Variants in NCR3LG1 observed in about 807,000 individuals in gnomAD.
The protein encoded by NCR3LG1 is natural killer cell cytotoxicity receptor 3 ligand 1.
Under a neutral mutation model 34.8 loss-of-function variants are expected in NCR3LG1, and 35 were observed. The ratio of observed to expected loss-of-function variants is 1.01; its 90% confidence interval spans 0.77 to 1.33. The LOEUF (loss-of-function observed/expected upper bound fraction) is 1.33. Ranked by LOEUF, NCR3LG1 falls within the 40% of genes most tolerant of loss-of-function variation. NCR3LG1 has a pLI of 0.00. For missense variants in NCR3LG1, 452 were observed against 423.3 expected (o/e 1.07, Z -0.60); for synonymous variants, 173 against 163.6 (o/e 1.06, Z -0.44).
chr11:17,365,691 A>C (rs1953337817), intron 2 of NCR3LG1, among the ~76,000 whole-genome samples: 1 of 152,136 alleles, frequency 6.6e-6, no homozygotes, highest in Admixed American at 6.5e-5. Flanking sequence ...TACTGTGAGA[A>C]TCTGGTGGGG....
Position 17,376,747 on chromosome 11 carries a change from T to G in NCR3LG1, c.*4235T>G, listed in dbSNP as rs1409279045. Reference sequence around the variant, plus strand: ...GAAAAGTTGGCCGGGTAATAGCAAATGCCTCCTCCTGTTTTAAAAGCAGAG... The same window carrying G: ...GAAAAGTTGGCCGGGTAATAGCAAAGGCCTCCTCCTGTTTTAAAAGCAGAG... On this transcript the variant is annotated 3_prime_UTR_variant, in exon 5 of 5. Coordinates refer to ENST00000338965, the MANE Select transcript of NCR3LG1 (RefSeq NM_001202439.3). The G allele has an allele frequency of 6.6e-6, 1 of 152,128 alleles. No individual in the cohort carries two copies. The highest frequency in any genetic ancestry group is 2.4e-5 in the African/African-American group (1 of 41,434). 9.4% of individuals were successfully genotyped at this position (152,128 alleles called of 1,614,324 possible). A position where few individuals can be genotyped will look rare whatever the true frequency, so the allele number is the denominator to read the frequency against.
intron 1 of NCR3LG1, 138 bp downstream of exon 1, chr11:17,352,177 C>CA: frequency 6.9e-6 from 2 of 290,470 alleles, no homozygotes; most frequent in Non-Finnish European, 1.2e-5. Context: ...ATTTCTTCTC[C>CA]TTTTTTTTTT....
At chr11:17,358,935 T>C (rs1953240472) in intron 2 of NCR3LG1, among the ~76,000 whole-genome samples, 2 of 152,230 alleles carry the variant, frequency 1.3e-5, no homozygotes, top group African/African-American at 4.8e-5. Context: ...TATTATTTTA[T>C]TTTTTGTTTT....
At chr11:17,362,683 CCTTCCTTCCTTT>C (rs1229147224) in intron 2 of NCR3LG1, among the ~76,000 whole-genome samples, 4 of 20,958 alleles carry the variant, frequency 1.9e-4, no homozygotes, top group African/African-American at 1.8e-3. Context: ...CTCCTTCCTT[CCTTCCTTCCTTT>C]CTTTCTTTCT....
In NCR3LG1 at chr11:17,351,864, G is replaced by A; in HGVS notation, c.-106G>A. The A allele has an allele frequency of 2.3e-6, 2 of 878,976 alleles. No individual in the cohort carries two copies. Among genetic ancestry groups the A allele is most frequent in the Non-Finnish European group, 3.5e-6 (2 of 566,748 alleles). The allele number at this position is 878,976 out of a possible 1,614,324, so 54.4% of individuals were successfully genotyped here. A position where few individuals can be genotyped will look rare whatever the true frequency, so the allele number is the denominator to read the frequency against. On this transcript the variant is annotated 5_prime_UTR_variant, in exon 1 of 5. Coordinates refer to ENST00000338965, the MANE Select transcript of NCR3LG1 (RefSeq NM_001202439.3). Reference sequence around the variant, plus strand: ...AGCGCCGGCTGGAAATCCCGGCTGTGTCTCCGTCAACTCTTTACGCAACAG... The same window carrying A: ...AGCGCCGGCTGGAAATCCCGGCTGTATCTCCGTCAACTCTTTACGCAACAG...
chr11:17,371,810 C>CAAGCTAGCTCCTCCGG (rs1413511483), intron 4 of NCR3LG1, among the ~76,000 whole-genome samples, 196 bp from the exon 5 acceptor site: 7 of 152,166 alleles, frequency 4.6e-5, no homozygotes, highest in African/African-American at 1.7e-4. Context: ...CAGGTGAGCA[C>CAAGCTAGCTCCTCCGG]AAGCTAGCTC....
chr11:17,375,513 A>G lies in NCR3LG1; in HGVS notation c.*3001A>G, dbSNP rs1335644108. 6.6e-6 allele frequency: 1 copy of G among 152,220 alleles called. No homozygotes were observed. Among genetic ancestry groups the G allele is most frequent in the Non-Finnish European group, 1.5e-5 (1 of 68,046 alleles). The allele number at this position is 152,220 out of a possible 1,614,324, so 9.4% of individuals were successfully genotyped here. ...CAAGAGCACTTGAACTAAGCAAAGG[A>G]AAGACAGCTAACATTTATACTGACT... On this transcript the variant is annotated 3_prime_UTR_variant, in exon 5 of 5. Transcript: ENST00000338965.
downstream of NCR3LG1, among the ~76,000 whole-genome samples, chr11:17,378,323 C>T (rs762345128): frequency 9.2e-5 from 14 of 152,132 alleles, no homozygotes; most frequent in East Asian, 3.9e-4. Flanking sequence ...AGAGAGAATG[C>T]GGGCTCCAGT....
chr11:17,379,697 G>A (rs1449825762), downstream of NCR3LG1, among the ~76,000 whole-genome samples: 4 of 152,226 alleles, frequency 2.6e-5, no homozygotes, highest in African/African-American at 4.8e-5. Context: ...AGAGCTGGCA[G>A]AGCCAACTCT....
chr11:17,371,377 C>T (rs1054203048), intron 4 of NCR3LG1, among the ~76,000 whole-genome samples: 4 of 152,126 alleles, frequency 2.6e-5, no homozygotes. Flanking sequence ...TCTTATGTCC[C>T]TCTTTCAGTG....
At chr11:17,367,922 G>A (rs745939349) in intron 3 of NCR3LG1, among the ~76,000 whole-genome samples, 3 of 151,670 alleles carry the variant, frequency 2.0e-5, no homozygotes, top group Non-Finnish European at 4.4e-5. Flanking sequence ...GTGTTCAAGC[G>A]ATTCTCCTGC....
At chr11:17,368,032 G>T (rs1953366683) in intron 3 of NCR3LG1, among the ~76,000 whole-genome samples, 1 of 152,022 alleles carries the variant, frequency 6.6e-6, no homozygotes, top group East Asian at 1.9e-4. Flanking sequence ...TGGTCAGACT[G>T]GTCTCGAACT....
In NCR3LG1 at chr11:17,375,417, C is replaced by T. The variant is rs1953464802; in HGVS notation, c.*2905C>T. 1 of 152,130 alleles carries T rather than the reference C, an allele frequency of 6.6e-6. No homozygotes were observed. Among genetic ancestry groups the T allele is most frequent in the Non-Finnish European group, 1.5e-5 (1 of 68,036 alleles). 9.4% of individuals were successfully genotyped at this position (152,130 alleles called of 1,614,324 possible). A position where few individuals can be genotyped will look rare whatever the true frequency, so the allele number is the denominator to read the frequency against. On this transcript the variant is annotated 3_prime_UTR_variant, in exon 5 of 5. Transcript: ENST00000338965. ...GAAAAGTGGGATATGCAGTAGTCACCCTAAATAACATTGAAAATGTGCCTC... is the reference window on the plus strand; with the variant it reads ...GAAAAGTGGGATATGCAGTAGTCACTCTAAATAACATTGAAAATGTGCCTC...
chr11:17,360,493 G>A (rs1953258519), intron 2 of NCR3LG1, among the ~76,000 whole-genome samples: 1 of 152,010 alleles, frequency 6.6e-6, no homozygotes, highest in African/African-American at 2.4e-5. Flanking sequence ...TTTCTCCTGT[G>A]TTATCATCTA....
At chr11:17,379,983 T>C (rs145466820), downstream of NCR3LG1, among the ~76,000 whole-genome samples, 95 of 152,164 alleles carry the variant, frequency 6.2e-4, no homozygotes, top group African/African-American at 2.2e-3. Context: ...TTCCAGCTGG[T>C]GCCATGCTCT....
intron 1 of NCR3LG1, among the ~76,000 whole-genome samples, chr11:17,354,173 A>G (rs1236375899): frequency 6.6e-6 from 1 of 152,264 alleles, no homozygotes; most frequent in Non-Finnish European, 1.5e-5. Flanking sequence ...CTAGTTGGAG[A>G]GCTCTAGAAC....
Position 17,351,909 on chromosome 11 carries a change from G to C in NCR3LG1, c.-61G>C. ...CAACAGAGGTCTCCCCCTGCCCTTG[G>C]TTTCTACCGGGCCGCCTGCTCCCAC... On this transcript the variant is annotated 5_prime_UTR_variant, in exon 1 of 5. Coordinates refer to ENST00000338965, the MANE Select transcript of NCR3LG1 (RefSeq NM_001202439.3). 3.7e-6 allele frequency: 5 copies of C among 1,355,078 alleles called. No individual in the cohort carries two copies. The highest frequency in any genetic ancestry group is 2.5e-5 in the South Asian group (2 of 80,004). 83.9% of individuals were successfully genotyped at this position (1,355,078 alleles called of 1,614,324 possible).
At chr11:17,353,691 C>T (rs1953168961) in intron 1 of NCR3LG1, among the ~76,000 whole-genome samples, 1 of 145,276 alleles carries the variant, frequency 6.9e-6, no homozygotes, top group Non-Finnish European at 1.5e-5. Context: ...CGCCGTTTGG[C>T]TGTGCGGCGG....
At chr11:17,367,488 C>T (rs1348881579) in intron 3 of NCR3LG1, 141 bp downstream of exon 3, 2 of 728,286 alleles carry the variant, frequency 2.7e-6, no homozygotes, top group Non-Finnish European at 4.4e-6. Context: ...AAGCTGGAGT[C>T]TGGCCTAGCT....
Sources: gnomAD v4.1 joint callset for allele counts (sites outside exome capture counted in the v4.1 genomes callset) on GRCh38, gnomAD v4.1.1 for gene constraint, MANE v1.5 for transcripts, NCBI Gene and HGNC (gene_info 2026-07-23, HGNC 2026-07-21) for gene names.